MSH3: variants seen among roughly 807,000 people sequenced by gnomAD.
The protein encoded by MSH3 is DNA mismatch repair protein Msh3.
A neutral mutation model predicts 123.3 loss-of-function variants in MSH3; 106 were observed. The ratio of observed to expected loss-of-function variants is 0.86; its 90% confidence interval spans 0.73 to 1.01. The LOEUF (loss-of-function observed/expected upper bound fraction) is 1.01. Ranked by LOEUF, MSH3 falls within the 50% of genes least tolerant of loss-of-function variation. The probability of loss-of-function intolerance (pLI) is 0.00; values close to 1 mark genes in which losing one functional copy is unlikely to be tolerated. For synonymous variants in MSH3, 515 were observed against 481.4 expected, an observed-to-expected ratio of 1.07 and a Z score of -0.91; for missense variants, 1,459 against 1,347.6, an observed-to-expected ratio of 1.08 and a Z score of -1.29.
At chr5:80,821,692 T>C (rs923808836) in intron 20 of MSH3, among the ~76,000 whole-genome samples, 2 of 152,232 alleles carry the variant, frequency 1.3e-5, no homozygotes, top group Non-Finnish European at 2.9e-5. Context: ...ACAGGGCCTG[T>C]GTCCCTGCAT....
chr5:80,760,426 C>T lies in MSH3; in HGVS notation c.1764-1120C>T, dbSNP rs6151785. 3.7e-3 allele frequency among the ~76,000 whole-genome samples: 557 copies of T among 152,196 alleles called. 2 individuals are homozygous for T. Among genetic ancestry groups the T allele is most frequent in the Middle Eastern group, 0.027 (8 of 294 alleles). ...GTTGAGTCATCACTTAAGGTGTAGC[C>T]GTTGGTAAAATCCCGCAGCACTGAT... is the stretch of plus-strand genomic sequence containing the variant. On this transcript the variant is annotated intron_variant, in intron 12 of 23. Transcript: ENST00000265081.
At chr5:80,805,593 CT>C (rs34689496) in intron 19 of MSH3, among the ~76,000 whole-genome samples, 37,650 of 104,340 alleles carry the variant, frequency 0.36, 8,113 homozygotes, top group African/African-American at 0.42. Context: ...CCCCCCCTAC[CT>C]TTTTTTTTTT....
At chr5:80,815,538 T>G (rs904775767) in intron 20 of MSH3, among the ~76,000 whole-genome samples, 1 of 152,206 alleles carries the variant, frequency 6.6e-6, no homozygotes, top group African/African-American at 2.4e-5. Context: ...GGTGGGTAGC[T>G]ACTTCTGGTG....
chr5:80,672,478 G>C (rs1749745842), intron 5 of MSH3, 118 bp downstream of exon 5: 4 of 781,420 alleles, frequency 5.1e-6, no homozygotes, highest in Non-Finnish European at 8.9e-6. Flanking sequence ...GCATTTTACA[G>C]AACTGAAAGT....
At chr5:80,831,000 A>G (rs377519711) in intron 20 of MSH3, among the ~76,000 whole-genome samples, 5 of 152,288 alleles carry the variant, frequency 3.3e-5, no homozygotes, top group African/African-American at 1.2e-4. Context: ...TTTTTTTTCT[A>G]TTATAATACA....
At chr5:80,849,194 A>G (rs891481811) in intron 20 of MSH3, among the ~76,000 whole-genome samples, 3 of 152,122 alleles carry the variant, frequency 2.0e-5, no homozygotes, top group Admixed American at 1.3e-4. Flanking sequence ...GTGGGTTCCC[A>G]TGGTCTTGGG....
chr5:80,814,041 C>T (rs1745056456), intron 20 of MSH3, among the ~76,000 whole-genome samples: 1 of 151,336 alleles, frequency 6.6e-6, no homozygotes, highest in Non-Finnish European at 1.5e-5. Context: ...GGGAGGATCA[C>T]CTGAGCCTGG....
At chr5:80,706,259 G>A (rs892015792) in intron 8 of MSH3, among the ~76,000 whole-genome samples, 1 of 152,184 alleles carries the variant, frequency 6.6e-6, no homozygotes, top group Non-Finnish European at 1.5e-5. Context: ...GCAGACCTGA[G>A]CTTGTTAATG....
intron 19 of MSH3, among the ~76,000 whole-genome samples, chr5:80,806,979 G>C (rs1376661765): frequency 6.6e-6 from 1 of 151,986 alleles, no homozygotes; most frequent in Admixed American, 6.6e-5. Flanking sequence ...GAAGTGAGAG[G>C]ATCACTTGAG....
chr5:80,741,515 A>G lies in MSH3; in HGVS notation c.1620A>G (p.Thr540=), dbSNP rs1743613528. Residue 540 remains threonine, a synonymous_variant, in exon 11 of 24, where the codon ACA becomes ACG. Coordinates refer to ENST00000265081, the MANE Select transcript of MSH3 (RefSeq NM_002439.5). The stretch of plus-strand genomic sequence containing the variant: ...TGGAATTTATGACAATTAATGGAAC[A>G]ACATTAAGGAATCTGGAAATCCTAC... The part of the protein sequence containing the change: ...SKMEFMTING[T]TLRNLEILQN... The G allele has an allele frequency of 1.9e-6, 3 of 1,608,350 alleles. No homozygotes were observed. The highest frequency in any genetic ancestry group is 1.3e-5 in the African/African-American group (1 of 74,818).
intron 20 of MSH3, among the ~76,000 whole-genome samples, chr5:80,831,800 A>T (rs1346852068): frequency 1.3e-5 from 2 of 152,088 alleles, no homozygotes; most frequent in Admixed American, 6.5e-5. Context: ...AAGCACACAA[A>T]ATAAACTAAC....
At chr5:80,756,638 C>CT (rs1743931433) in intron 12 of MSH3, among the ~76,000 whole-genome samples, 1 of 152,058 alleles carries the variant, frequency 6.6e-6, no homozygotes, top group Non-Finnish European at 1.5e-5. Flanking sequence ...AGATCATAAC[C>CT]CAGTTATAAT....
intron 8 of MSH3, among the ~76,000 whole-genome samples, chr5:80,706,822 A>G (rs937568025): frequency 1.3e-5 from 2 of 152,214 alleles, no homozygotes; most frequent in Non-Finnish European, 2.9e-5. Flanking sequence ...ATCTTTAGGT[A>G]TAAATTACAT....
chr5:80,767,855 C>G, intron 13 of MSH3, 78 bp from the exon 14 acceptor site: 1 of 1,135,046 alleles, frequency 8.8e-7, no homozygotes, highest in South Asian at 1.3e-5. Flanking sequence ...AATTCTGATT[C>G]TAACTTTTAA....
chr5:80,664,033 T>C (rs1278685939), intron 2 of MSH3, among the ~76,000 whole-genome samples: 2 of 152,210 alleles, frequency 1.3e-5, no homozygotes, highest in Non-Finnish European at 2.9e-5. Context: ...AATACTGTGT[T>C]CTAGTACATG....
chr5:80,695,087 G>GTTTTTTTTTT (rs57947652), intron 8 of MSH3, among the ~76,000 whole-genome samples: 1 of 115,312 alleles, frequency 8.7e-6, no homozygotes, highest in Admixed American at 8.5e-5. Flanking sequence ...TTTTTTTGTT[G>GTTTTTTTTTT]TTTTTTTTTT....
chr5:80,728,089 G>A (rs956233837), intron 9 of MSH3, among the ~76,000 whole-genome samples: 1 of 152,172 alleles, frequency 6.6e-6, no homozygotes, highest in African/African-American at 2.4e-5. Flanking sequence ...AAATAAAGAG[G>A]AGATGGCAGG....
At chr5:80,748,640 G>A (rs189959902) in intron 12 of MSH3, among the ~76,000 whole-genome samples, 35 of 146,884 alleles carry the variant, frequency 2.4e-4, no homozygotes, top group African/African-American at 6.3e-4. Context: ...TTTTTTTGAG[G>A]TTCTGTCTTT....
At chr5:80,757,479 C>T (rs1011786640) in intron 12 of MSH3, among the ~76,000 whole-genome samples, 1 of 152,120 alleles carries the variant, frequency 6.6e-6, no homozygotes, top group Non-Finnish European at 1.5e-5. Flanking sequence ...ACTCATGTCA[C>T]CACCTAGTTT....
Sources: gnomAD v4.1 joint callset for allele counts (sites outside exome capture counted in the v4.1 genomes callset) on GRCh38, gnomAD v4.1.1 for gene constraint, MANE v1.5 for transcripts, NCBI Gene and HGNC (gene_info 2026-07-23, HGNC 2026-07-21) for gene names.